The following MIB2 variants were observed in gnomAD, a reference collection of about 807,000 sequenced individuals.
MIB2 encodes MIB E3 ubiquitin protein ligase 2.
MIB2 carries 78 observed loss-of-function variants against 96.6 expected under a neutral mutation model. The observed-to-expected ratio is 0.81, with a 90% confidence interval of 0.67 to 0.97. MIB2 has a LOEUF of 0.97. MIB2 is among the 50% of genes least tolerant of loss of function. The probability of loss-of-function intolerance (pLI) is 0.00; values close to 1 mark genes in which losing one functional copy is unlikely to be tolerated. For missense variants in MIB2, 1,543 were observed against 1,424.0 expected (o/e 1.08, Z -1.35); for synonymous variants, 820 against 629.5 (o/e 1.30, Z -4.53).
chr1:1,621,643 A>T (rs974319708), intron 2 of MIB2, among the ~76,000 whole-genome samples: 1 of 152,168 alleles, frequency 6.6e-6, no homozygotes, highest in Non-Finnish European at 1.5e-5. Context: ...TGACAGGGAG[A>T]GCTGTGCTTG....
rs1410227070 is a variant in MIB2, at chr1:1,630,219, C to T, written c.2630-73C>T. 1.9e-5 allele frequency: 5 copies of T among 261,714 alleles called. No homozygotes were observed. The Admixed American group carries it at 2.6e-4, about 13-fold the overall frequency. 16.2% of individuals were successfully genotyped at this position (261,714 alleles called of 1,614,324 possible). A position where few individuals can be genotyped will look rare whatever the true frequency, so the allele number is the denominator to read the frequency against. On this transcript the variant is annotated intron_variant, in intron 19 of 19. Coordinates refer to ENST00000355826, the MANE Select transcript of MIB2 (RefSeq NM_001170687.4). ...AGGTGACACCCCGCCCCCAGCCTCG[C>T]CCCCCCGCAGCTCCCTGCTCCCCGC... is the stretch of plus-strand genomic sequence containing the variant.
chr1:1,625,874 T>A lies in MIB2; in HGVS notation c.972+221T>A. ...CAGAGGAGGGTATGTCTCTGGGAGCTGGAATGGGCAGGTTAGGGCCTCCCT... is the reference window on the plus strand; with the variant it reads ...CAGAGGAGGGTATGTCTCTGGGAGCAGGAATGGGCAGGTTAGGGCCTCCCT... On this transcript the variant is annotated intron_variant, in intron 8 of 19. Coordinates refer to ENST00000355826, the MANE Select transcript of MIB2 (RefSeq NM_001170687.4). This position sits in a 1 kb window ranked among gnomAD's most constrained non-coding sequence, Gnocchi z 5.0. 1.7e-6 allele frequency: 1 copy of A among 576,474 alleles called. No individual in the cohort carries two copies. Among genetic ancestry groups the A allele is most frequent in the East Asian group, 2.9e-5 (1 of 34,870 alleles). 35.7% of individuals were successfully genotyped at this position (576,474 alleles called of 1,614,324 possible). A position where few individuals can be genotyped will look rare whatever the true frequency, so the allele number is the denominator to read the frequency against.
chr1:1,620,164 A>C lies in MIB2; in HGVS notation c.-22-3267A>C, dbSNP rs554491890. On this transcript the variant is annotated intron_variant, in intron 2 of 19. Transcript: ENST00000355826. ...GCACCCTGCCCCTGTCTTTTTGGAA[A>C]GGTCCAATGGCATATGGCCAGCGGG... Among the ~76,000 whole-genome samples, 48 of 152,378 alleles carry C rather than the reference A, an allele frequency of 3.2e-4. No homozygotes were observed. The South Asian group carries it at 9.7e-3, about 31-fold the overall frequency.
intron 1 of MIB2, chr1:1,615,913 C>A (rs1252996220): frequency 1.1e-5 from 11 of 1,003,888 alleles, no homozygotes; most frequent in Non-Finnish European, 1.3e-5. Context: ...GCGCTGGGGT[C>A]GTCGTCCGGG....
chr1:1,624,084 C>G, intron 4 of MIB2, 139 bp downstream of exon 4: 2 of 1,107,036 alleles, frequency 1.8e-6, no homozygotes, highest in Non-Finnish European at 2.5e-6. Context: ...TGGCCTTAAG[C>G]AGTGGTGCCA....
chr1:1,619,168 T>TC (rs1644025481), intron 2 of MIB2: 1 of 152,190 alleles, frequency 6.6e-6, no homozygotes, highest in African/African-American at 2.4e-5. Flanking sequence ...GGTCAGGAGA[T>TC]CGAGACCATC....
In MIB2 at chr1:1,625,163, C is replaced by G; in HGVS notation, c.699C>G (p.Tyr233Ter). Residue 233 changes from tyrosine (Y) to a stop codon, truncating the protein, a stop_gained, in exon 6 of 20, where the codon TAC (tyrosine) becomes TAG (stop). Transcript: ENST00000355826. LOFTEE classifies it high-confidence loss of function. The surrounding 1 kb of genome is among the most constrained non-coding windows in gnomAD (Gnocchi z 5.0). ...CVGEAAGGFYYKDHLPRLGKP... is the reference protein window; with the variant it reads ...CVGEAAGGFY ...GCGAGGCAGCGGGCGGCTTCTACTA[C>G]AAGGACCACCTCCCAAGGCTCGGTA... 2 of 1,611,690 alleles carry G rather than the reference C, an allele frequency of 1.2e-6. No individual in the cohort carries two copies. Among genetic ancestry groups the G allele is most frequent in the South Asian group, 2.2e-5 (2 of 90,980 alleles).
Position 1,616,631 on chromosome 1 carries a change from C to T in MIB2, c.-23+17C>T, listed in dbSNP as rs1473028466. ...GCCGGACAGGTGAGCTCTTGATCGT[C>T]CGCGGCCTGATAGTTTGCACTTGGC... On this transcript the variant is annotated intron_variant, in intron 2 of 19. Transcript: ENST00000355826. 6.4e-7 allele frequency: 1 copy of T among 1,564,524 alleles called. No homozygotes were observed.
chr1:1,628,198 C>T lies in MIB2; in HGVS notation c.1841+19C>T, dbSNP rs1005341696. ...ACGCGCTGTGAGTGTGGGGTGGGCA[C>T]ACAGCTGCAGCCGGCCTCTTGCTGT... On this transcript the variant is annotated intron_variant, in intron 14 of 19. Coordinates refer to ENST00000355826, the MANE Select transcript of MIB2 (RefSeq NM_001170687.4). 1.2e-6 allele frequency: 2 copies of T among 1,612,372 alleles called. No individual in the cohort carries two copies. The highest frequency in any genetic ancestry group is 1.3e-5 in the African/African-American group (1 of 74,936).
chr1:1,625,840 G>A lies in MIB2; in HGVS notation c.972+187G>A, dbSNP rs2100491220. 2.3e-5 allele frequency: 14 copies of A among 599,384 alleles called. No individual in the cohort carries two copies. The South Asian group carries it at 2.8e-4, about 12-fold the overall frequency. 37.1% of individuals were successfully genotyped at this position (599,384 alleles called of 1,614,324 possible). A position where few individuals can be genotyped will look rare whatever the true frequency, so the allele number is the denominator to read the frequency against. Reference sequence around the variant, plus strand: ...TCAAGGAGAAGAGGGGGTTGGGTGTGAAGGAACCCAGAGGAGGGTATGTCT... The same window carrying A: ...TCAAGGAGAAGAGGGGGTTGGGTGTAAAGGAACCCAGAGGAGGGTATGTCT... On this transcript the variant is annotated intron_variant, in intron 8 of 19. Transcript: ENST00000355826. This position sits in a 1 kb window ranked among gnomAD's most constrained non-coding sequence, Gnocchi z 5.0.
At position 1,626,940 on chromosome 1, in the gene MIB2, C is replaced by T; in HGVS notation, c.1181C>T (p.Ala394Val). The part of the protein sequence containing the change: ...RWTFSPSCLV[A>V]YRPEEDANLD... ...ACCTTCAGCCCCTCCTGCCTGGTGG[C>T]CTACCGGCCCGAGGAGGATGCCAAC... Residue 394 changes from alanine (A) to valine (V), a missense_variant, in exon 10 of 20, where the codon GCC (alanine) becomes GTC (valine). Ala to Val is a moderately conservative substitution (Grantham distance 64). Transcript: ENST00000355826. This position sits in a 1 kb window ranked among gnomAD's most constrained non-coding sequence, Gnocchi z 5.3. The T allele has an allele frequency of 6.2e-7, 1 of 1,610,818 alleles. No individual in the cohort carries two copies. Among genetic ancestry groups the T allele is most frequent in the Non-Finnish European group, 8.5e-7 (1 of 1,179,534 alleles).
chr1:1,625,992 G>T lies in MIB2; in HGVS notation c.972+339G>T, dbSNP rs77523903. 3.6e-5 allele frequency: 12 copies of T among 328,976 alleles called. No individual in the cohort carries two copies. The East Asian group carries it at 7.1e-4, about 19-fold the overall frequency. 20.4% of individuals were successfully genotyped at this position (328,976 alleles called of 1,614,324 possible). A position where few individuals can be genotyped will look rare whatever the true frequency, so the allele number is the denominator to read the frequency against. On this transcript the variant is annotated intron_variant, in intron 8 of 19. Transcript: ENST00000355826. This position sits in a 1 kb window ranked among gnomAD's most constrained non-coding sequence, Gnocchi z 5.0. ...TCCTGGTTAGTGCTGTATGGGGGCC[G>T]ATGGGGGTGGCTGGTTAGGACAGGG...
rs375064677 is a variant in MIB2, at chr1:1,625,620, G to T, written c.939G>T (p.Thr313=). The change falls in exon 8 of 20, where the codon ACG becomes ACT. Residue 313 remains threonine (T), a synonymous_variant. Coordinates refer to ENST00000355826, the MANE Select transcript of MIB2 (RefSeq NM_001170687.4). The surrounding 1 kb of genome is among the most constrained non-coding windows in gnomAD (Gnocchi z 5.0). ...TGCGCGTGCAGTTCAACCACGAGACGCGCTGGACCTTCCACCCCGGGGCGC... is the reference window on the plus strand; with the variant it reads ...TGCGCGTGCAGTTCAACCACGAGACTCGCTGGACCTTCCACCCCGGGGCGC... ...GDVRVQFNHE[T]RWTFHPGALT... is the part of the protein sequence containing the mutation. 167 of 1,571,920 alleles carry T rather than the reference G, an allele frequency of 1.1e-4. No individual in the cohort carries two copies. In the African/African-American group the frequency reaches 1.5e-3, roughly 14 times the overall value.
At chr1:1,629,774 C>T in intron 19 of MIB2, 70 bp downstream of exon 19, 1 of 1,440,922 alleles carries the variant, frequency 6.9e-7, no homozygotes, top group Non-Finnish European at 9.3e-7. Context: ...CGTCCCCCAC[C>T]CCTTCCCTCC....
intron 2 of MIB2, among the ~76,000 whole-genome samples, chr1:1,620,577 TAA>T (rs1307915298): frequency 1.3e-5 from 2 of 152,178 alleles, no homozygotes; most frequent in Non-Finnish European, 2.9e-5. Flanking sequence ...TCTGCAACCC[TAA>T]GGAGCAGTGC....
Position 1,627,901 on chromosome 1 carries a change from C to T in MIB2, c.1680+72C>T, listed in dbSNP as rs1644962282. 68 of 1,596,258 alleles carry T rather than the reference C, an allele frequency of 4.3e-5. No homozygotes were observed. The South Asian group carries it at 7.2e-4, about 17-fold the overall frequency. On this transcript the variant is annotated intron_variant, in intron 13 of 19. Coordinates refer to ENST00000355826, the MANE Select transcript of MIB2 (RefSeq NM_001170687.4). ...GTCCCTGGCCTGGGTTCCCTCTGCC[C>T]ATGTGTGCTGCTCCCTGGCCTGGGT...
chr1:1,626,347 T>G lies in MIB2; in HGVS notation c.973-303T>G. On this transcript the variant is annotated intron_variant, in intron 8 of 19. Coordinates refer to ENST00000355826, the MANE Select transcript of MIB2 (RefSeq NM_001170687.4). This position sits in a 1 kb window ranked among gnomAD's most constrained non-coding sequence, Gnocchi z 5.3. Reference sequence around the variant, plus strand: ...GCTCACGGGCCCTGGCCATGTTGCCTGCTGCTGGTCAGCGTACAGCTTCCC... The same window carrying G: ...GCTCACGGGCCCTGGCCATGTTGCCGGCTGCTGGTCAGCGTACAGCTTCCC... 2.3e-6 allele frequency: 1 copy of G among 431,192 alleles called. No homozygotes were observed. The highest frequency in any genetic ancestry group is 4.1e-6 in the Non-Finnish European group (1 of 242,802). 26.7% of individuals were successfully genotyped at this position (431,192 alleles called of 1,614,324 possible). A position where few individuals can be genotyped will look rare whatever the true frequency, so the allele number is the denominator to read the frequency against.
At chr1:1,615,878 C>G in intron 1 of MIB2, 1 of 1,085,528 alleles carries the variant, frequency 9.2e-7, no homozygotes, top group South Asian at 4.0e-5. Flanking sequence ...CCTCGCGCGG[C>G]CCGGGGCCAG....
rs572309456 is a variant in MIB2 at position 1,616,628 on chromosome 1, C to A, written c.-23+14C>A. On this transcript the variant is annotated intron_variant, in intron 2 of 19. Coordinates refer to ENST00000355826, the MANE Select transcript of MIB2 (RefSeq NM_001170687.4). ...ACGGCCGGACAGGTGAGCTCTTGATCGTCCGCGGCCTGATAGTTTGCACTT... is the reference window on the plus strand; with the variant it reads ...ACGGCCGGACAGGTGAGCTCTTGATAGTCCGCGGCCTGATAGTTTGCACTT... 1 of 1,567,070 alleles carries A rather than the reference C, an allele frequency of 6.4e-7. No homozygotes were observed. Among genetic ancestry groups the A allele is most frequent in the South Asian group, 1.2e-5 (1 of 85,718 alleles).
Sources: gnomAD v4.1 joint callset for allele counts (sites outside exome capture counted in the v4.1 genomes callset) on GRCh38, gnomAD v4.1.1 for gene constraint, Gnocchi (gnomAD v3.1) non-coding constraint, MANE v1.5 for transcripts, NCBI Gene and HGNC (gene_info 2026-07-23, HGNC 2026-07-21) for gene names.